The following SORCS1 variants were observed in gnomAD, a reference collection of about 807,000 sequenced individuals.
SORCS1 encodes sortilin related VPS10 domain containing receptor 1, also known as VPS10 domain-containing receptor SorCS1.
In SORCS1, 60 loss-of-function variants were observed where a neutral mutation model predicts 146.1. The ratio of observed to expected loss-of-function variants is 0.41; its 90% CI spans 0.33 to 0.51. The LOEUF (loss-of-function observed/expected upper bound fraction) is 0.51. Ranked by LOEUF, SORCS1 falls within the 20% of genes least tolerant of loss-of-function variation. SORCS1 has a pLI of 0.21. For synonymous variants in SORCS1, 637 were observed against 584.0 expected (o/e 1.09, Z -1.31); for missense variants, 1,352 against 1,487.6 (o/e 0.91, Z 1.50).
chr10:106,668,913 A>C (rs2135449259), intron 16 of SORCS1, among the ~76,000 whole-genome samples: 1 of 152,288 alleles, frequency 6.6e-6, no homozygotes, highest in Admixed American at 6.5e-5. Flanking sequence ...ACCTTTCATT[A>C]CACTACAGCC....
At chr10:106,856,876 G>A (rs2137366320) in intron 2 of SORCS1, among the ~76,000 whole-genome samples, 1 of 152,330 alleles carries the variant, frequency 6.6e-6, no homozygotes, top group Non-Finnish European at 1.5e-5. Context: ...CTGACTGTTG[G>A]TCTTTCCAAT....
At chr10:106,998,169 A>G (rs1957076571) in intron 1 of SORCS1, among the ~76,000 whole-genome samples, 1 of 152,248 alleles carries the variant, frequency 6.6e-6, no homozygotes, top group African/African-American at 2.4e-5. Context: ...CTGCTTTTAC[A>G]TAATTCGTTG....
upstream of SORCS1, among the ~76,000 whole-genome samples, chr10:107,168,647 T>A (rs904500795): frequency 2.0e-5 from 3 of 149,212 alleles, no homozygotes; most frequent in East Asian, 2.0e-4. Flanking sequence ...CTATGGAGTT[T>A]AAATGTACCA....
intron 1 of SORCS1, among the ~76,000 whole-genome samples, chr10:107,112,395 C>T (rs1348413524): frequency 1.3e-5 from 2 of 151,618 alleles, no homozygotes; most frequent in African/African-American, 2.4e-5. Flanking sequence ...AGTAGATACA[C>T]AAACCATAAA....
chr10:106,932,397 CT>C (rs1208777256), intron 2 of SORCS1, among the ~76,000 whole-genome samples: 1 of 152,136 alleles, frequency 6.6e-6, no homozygotes, highest in African/African-American at 2.4e-5. Context: ...CACAGCACTA[CT>C]GTCACCTGTG....
chr10:106,590,670 T>G (rs1203603602), intron 24 of SORCS1, among the ~76,000 whole-genome samples: 1 of 152,148 alleles, frequency 6.6e-6, no homozygotes, highest in Non-Finnish European at 1.5e-5. Context: ...TTGTTTTTGT[T>G]TTGAGATGGA....
At chr10:107,016,570 G>A (rs1957907622) in intron 1 of SORCS1, among the ~76,000 whole-genome samples, 1 of 152,144 alleles carries the variant, frequency 6.6e-6, no homozygotes, top group African/African-American at 2.4e-5. Context: ...AACACAATGA[G>A]ATTTCTAGAA....
chr10:106,862,362 T>G (rs1950046996), intron 2 of SORCS1, among the ~76,000 whole-genome samples: 1 of 152,244 alleles, frequency 6.6e-6, no homozygotes, highest in Admixed American at 6.5e-5. Flanking sequence ...CTTGCCTATT[T>G]GTGCATATCA....
At chr10:106,966,477 C>T (rs1233192948) in intron 1 of SORCS1, among the ~76,000 whole-genome samples, 3 of 152,176 alleles carry the variant, frequency 2.0e-5, no homozygotes, top group Non-Finnish European at 2.9e-5. Context: ...TAGCAGCCCA[C>T]ACATAATTTA....
At chr10:106,768,720 G>T (rs1228153547) in intron 4 of SORCS1, among the ~76,000 whole-genome samples, 1 of 152,192 alleles carries the variant, frequency 6.6e-6, no homozygotes, top group Non-Finnish European at 1.5e-5. Flanking sequence ...TACTGGAAAG[G>T]CACAGGGATA....
chr10:106,745,428 GAAA>G (rs1304931799), intron 5 of SORCS1, among the ~76,000 whole-genome samples: 2 of 150,234 alleles, frequency 1.3e-5, no homozygotes, highest in Admixed American at 1.3e-4. Flanking sequence ...AAAAAGAAAA[GAAA>G]AAGAAAAAGA....
At chr10:107,070,079 T>C (rs918545132) in intron 1 of SORCS1, among the ~76,000 whole-genome samples, 1 of 152,356 alleles carries the variant, frequency 6.6e-6, no homozygotes, top group South Asian at 2.1e-4. Flanking sequence ...AATCATACAA[T>C]ATGTGACTTC....
intron 14 of SORCS1, among the ~76,000 whole-genome samples, chr10:106,674,053 A>G (rs1250388290): frequency 6.6e-6 from 1 of 151,450 alleles, no homozygotes; most frequent in African/African-American, 2.4e-5. Context: ...GTGGTGGCTC[A>G]CACCTGTAAT....
upstream of SORCS1, among the ~76,000 whole-genome samples, chr10:107,165,788 G>A (rs138304802): frequency 2.4e-4 from 36 of 152,284 alleles, no homozygotes; most frequent in East Asian, 6.2e-3. This position sits in a 1 kb window ranked among gnomAD's most constrained non-coding sequence, Gnocchi z 4.0. Context: ...TCTGCCACTG[G>A]TTTGCTTTGG....
intron 1 of SORCS1, among the ~76,000 whole-genome samples, chr10:106,969,853 A>C (rs1383459754): frequency 6.6e-6 from 1 of 152,210 alleles, no homozygotes; most frequent in African/African-American, 2.4e-5. Context: ...CTTAAGCTTC[A>C]TTAGCTTCAC....
At chr10:106,614,690 G>A (rs1192205229) in intron 21 of SORCS1, among the ~76,000 whole-genome samples, 1 of 152,150 alleles carries the variant, frequency 6.6e-6, no homozygotes, top group Non-Finnish European at 1.5e-5. Flanking sequence ...CTTAGTAAAA[G>A]GACACAAATG....
chr10:107,041,496 C>T (rs985200919), intron 1 of SORCS1, among the ~76,000 whole-genome samples: 1 of 151,986 alleles, frequency 6.6e-6, no homozygotes, highest in Non-Finnish European at 1.5e-5. Context: ...GGTCTATCAG[C>T]TTGACATTTT....
intron 1 of SORCS1, among the ~76,000 whole-genome samples, chr10:106,964,790 T>A (rs1955423909): frequency 6.6e-6 from 1 of 151,714 alleles, no homozygotes; most frequent in African/African-American, 2.4e-5. Flanking sequence ...CAGGCCTAAT[T>A]TTTTTTAGAT....
intron 5 of SORCS1, among the ~76,000 whole-genome samples, chr10:106,736,167 A>T (rs973227299): frequency 3.9e-5 from 6 of 152,234 alleles, no homozygotes; most frequent in Admixed American, 3.9e-4. Context: ...CAGAAATGTC[A>T]CTAGTTTATC....
Sources: gnomAD v4.1 joint callset for allele counts (sites outside exome capture counted in the v4.1 genomes callset) on GRCh38, gnomAD v4.1.1 for gene constraint, Gnocchi (gnomAD v3.1) non-coding constraint, MANE v1.5 for transcripts, NCBI Gene and HGNC (gene_info 2026-07-23, HGNC 2026-07-21) for gene names.